The following ZNF341 variants were observed in gnomAD, a reference collection of about 807,000 sequenced individuals.
ZNF341 encodes the protein zinc finger protein 341.
Under a neutral mutation model 87.7 loss-of-function variants are expected in ZNF341, and 52 were observed. The observed-to-expected ratio is 0.59, with a 90% CI of 0.47 to 0.75. The LOEUF is 0.75. Among genes scored for constraint, ZNF341 ranks in the 30% least tolerant of loss-of-function variants. The pLI is 0.00. For missense variants in ZNF341, 977 were observed against 1,145.9 expected (o/e 0.85, Z 2.13); for synonymous variants, 459 against 472.7 (o/e 0.97, Z 0.38).
chr20:33,735,216 A>G (rs776721063), intron 1 of ZNF341, among the ~76,000 whole-genome samples: 20 of 147,252 alleles, frequency 1.4e-4, no homozygotes, highest in Non-Finnish European at 2.1e-4. Flanking sequence ...TTTTTAGTAG[A>G]GACGGGGTTT....
chr20:33,764,714 A>G (rs1296961550), intron 8 of ZNF341, among the ~76,000 whole-genome samples: 1 of 150,806 alleles, frequency 6.6e-6, no homozygotes, highest in Non-Finnish European at 1.5e-5. Flanking sequence ...TATAATATAA[A>G]GATTGAATAT....
chr20:33,758,927 T>C (rs2019237046), intron 7 of ZNF341, 121 bp downstream of exon 7: 1 of 813,424 alleles, frequency 1.2e-6, no homozygotes, highest in Non-Finnish European at 2.0e-6. Context: ...CACTTGCATG[T>C]TCAGGCTGTA....
rs1255897683 is a variant in ZNF341 at position 33,791,093 on chromosome 20, C to T, written c.2141C>T (p.Ala714Val). 15 of 1,613,038 alleles carry T rather than the reference C, an allele frequency of 9.3e-6. No homozygotes were observed. Among genetic ancestry groups the T allele is most frequent in the African/African-American group, 1.3e-5 (1 of 74,940 alleles). ...AHTGNYKFRC[A>V]GCAKGFSRHK... Reference sequence around the variant, plus strand: ...ACGGGCAACTACAAGTTCCGCTGTGCTGGCTGCGCCAAGGGCTTTTCCCGC... The same window carrying T: ...ACGGGCAACTACAAGTTCCGCTGTGTTGGCTGCGCCAAGGGCTTTTCCCGC... Residue 714 changes from alanine to valine, a missense_variant, in exon 15 of 15, where the codon GCT (alanine) becomes GTT (valine). Physicochemically the swap from Ala to Val is moderately conservative, Grantham distance 64. This residue lies in a region of ZNF341 where 221 missense variants were observed against 212.7 expected (regional missense o/e 1.04). Coordinates refer to ENST00000375200, the MANE Select transcript of ZNF341 (RefSeq NM_001282933.2).
At chr20:33,744,766 A>G (rs2018880176) in intron 2 of ZNF341, among the ~76,000 whole-genome samples, 1 of 151,834 alleles carries the variant, frequency 6.6e-6, no homozygotes, top group African/African-American at 2.4e-5. Context: ...TAATTTTTGT[A>G]TTTTTAGTGG....
At chr20:33,749,878 G>A (rs1234810057) in intron 4 of ZNF341, among the ~76,000 whole-genome samples, 1 of 151,628 alleles carries the variant, frequency 6.6e-6, no homozygotes, top group East Asian at 1.9e-4. Flanking sequence ...TCAACCTCCT[G>A]AGTAGCTGGG....
chr20:33,732,028 C>T lies in ZNF341; in HGVS notation c.7C>T (p.Gln3Ter), dbSNP rs1202744223. 7.1e-7 allele frequency: 1 copy of T among 1,414,824 alleles called. No individual in the cohort carries two copies. 87.6% of individuals were successfully genotyped at this position (1,414,824 alleles called of 1,614,324 possible). Residue 3 changes from glutamine to a stop codon, truncating the protein, a stop_gained, in exon 1 of 15, where the codon CAG becomes TAG. Transcript: ENST00000375200. LOFTEE classifies it high-confidence loss of function. This position sits in a 1 kb window ranked among gnomAD's most constrained non-coding sequence, Gnocchi z 4.5. ...CGACGGCGGCGGCTCCAAGATGGCG[C>T]AGGCGATCTTTGAGGCCCTGGAGGG... MA[Q>*]AIFEALEGMD...
chr20:33,759,296 T>G (rs2019245702), intron 7 of ZNF341, among the ~76,000 whole-genome samples: 1 of 152,212 alleles, frequency 6.6e-6, no homozygotes, highest in African/African-American at 2.4e-5. Flanking sequence ...TGAGATGATT[T>G]TTTTTGAGAC....
At chr20:33,743,031 CTTT>C (rs150306011) in intron 2 of ZNF341, among the ~76,000 whole-genome samples, 7 of 139,224 alleles carry the variant, frequency 5.0e-5, no homozygotes, top group Admixed American at 7.2e-5. Flanking sequence ...CTGTCTCTCT[CTTT>C]TTTTTTTTTT....
chr20:33,739,496 C>T (rs930859031), intron 1 of ZNF341, among the ~76,000 whole-genome samples: 1 of 152,202 alleles, frequency 6.6e-6, no homozygotes, highest in African/African-American at 2.4e-5. Flanking sequence ...CTGTGAACTT[C>T]AACTGTGATA....
chr20:33,757,149 T>G lies in ZNF341; in HGVS notation c.743T>G (p.Val248Gly). Residue 248 changes from valine to glycine, a missense_variant and splice_region_variant, in exon 6 of 15, where the codon GTG becomes GGG. Physicochemically the swap from Val to Gly is moderately radical, Grantham distance 109 (BLOSUM62 -3). This residue lies in a region of ZNF341 where 515 missense variants were observed against 598.2 expected (regional missense o/e 0.86). Transcript: ENST00000375200. ...LGMQPYPPLE[V>G]PNQCVEPPVY... ...TCCCTGACTGTGTTGTCCTCCTAGGTGCCAAACCAGTGTGTGGAGCCTCCA... is the reference window on the plus strand; with the variant it reads ...TCCCTGACTGTGTTGTCCTCCTAGGGGCCAAACCAGTGTGTGGAGCCTCCA... The G allele has an allele frequency of 7.0e-7, 1 of 1,425,138 alleles. No individual in the cohort carries two copies. Among genetic ancestry groups the G allele is most frequent in the East Asian group, 2.7e-5 (1 of 37,008 alleles). The allele number at this position is 1,425,138 out of a possible 1,614,324, so 88.3% of individuals were successfully genotyped here. A position where few individuals can be genotyped will look rare whatever the true frequency, so the allele number is the denominator to read the frequency against.
chr20:33,790,925 C>T (rs1474289987), intron 14 of ZNF341, 63 bp from the exon 15 acceptor site: 6 of 1,534,806 alleles, frequency 3.9e-6, no homozygotes, highest in South Asian at 1.2e-5. Flanking sequence ...TTATTCCCAG[C>T]GCAGGGCACT....
rs143337863 is a variant in ZNF341 at position 33,766,995 on chromosome 20, C to G, written c.1367C>G (p.Thr456Ser). 8.7e-5 allele frequency: 140 copies of G among 1,614,030 alleles called. No individual in the cohort carries two copies. The highest frequency in any genetic ancestry group is 1.2e-4 in the Non-Finnish European group (137 of 1,180,022). Residue 456 changes from threonine (T) to serine (S), a missense_variant, in exon 9 of 15, where the codon ACC becomes AGC. Transcript: ENST00000375200. ...LCQFCPSKFSTYFQLKSHMTQ... is the reference protein window; with the variant it reads ...LCQFCPSKFSSYFQLKSHMTQ... ...CAATTCTGCCCCAGCAAATTCAGCA[C>G]CTACTTCCAGCTCAAGTCTCACATG...
intron 12 of ZNF341, chr20:33,788,493 G>T: frequency 3.4e-6 from 1 of 289,976 alleles, no homozygotes. Context: ...GACCTGGCTG[G>T]CTCGCTGCCC....
intron 4 of ZNF341, chr20:33,752,118 CT>C (rs199878741): frequency 1.3e-3 from 437 of 330,310 alleles, no homozygotes; most frequent in East Asian, 5.7e-3. Context: ...GCCCCCCCCC[CT>C]TTTTTTTTAA....
intron 12 of ZNF341, chr20:33,787,284 G>A (rs2019887874): frequency 6.6e-6 from 1 of 151,678 alleles, no homozygotes; most frequent in Non-Finnish European, 1.5e-5. Context: ...TTTTTTCTAA[G>A]AAAGACGAGA....
intron 2 of ZNF341, among the ~76,000 whole-genome samples, chr20:33,742,214 T>A (rs1448588591): frequency 1.3e-5 from 2 of 152,182 alleles, no homozygotes; most frequent in African/African-American, 4.8e-5. Flanking sequence ...GTTTTGTTTT[T>A]GAGATGGAGT....
intron 2 of ZNF341, 96 bp from the exon 3 acceptor site, chr20:33,745,007 T>C (rs2018885755): frequency 8.7e-7 from 1 of 1,152,388 alleles, no homozygotes; most frequent in African/African-American, 1.5e-5. Context: ...TTCTCCTGTC[T>C]CATACTGTGA....
intron 10 of ZNF341, among the ~76,000 whole-genome samples, chr20:33,770,830 T>C (rs566579098): frequency 6.6e-6 from 1 of 152,090 alleles, no homozygotes; most frequent in Admixed American, 6.6e-5. Flanking sequence ...CATTTTAAAA[T>C]GAACAGTTGG....
Position 33,770,066 on chromosome 20 carries a change from C to T in ZNF341, c.1414-18C>T. ...AGCTCTCCTGCCTCCTGTCACCTGC[C>T]CAGCGTCTTCCCTCAAGGTGTACAA... On this transcript the variant is annotated intron_variant, in intron 9 of 14. Transcript: ENST00000375200. 1 of 1,601,696 alleles carries T rather than the reference C, an allele frequency of 6.2e-7. No homozygotes were observed. The highest frequency in any genetic ancestry group is 8.5e-7 in the Non-Finnish European group (1 of 1,170,406).
Sources: gnomAD v4.1 joint callset for allele counts (sites outside exome capture counted in the v4.1 genomes callset) on GRCh38, gnomAD v4.1.1 for gene constraint, gnomAD v4.1.1 regional missense constraint, Gnocchi (gnomAD v3.1) non-coding constraint, MANE v1.5 for transcripts, NCBI Gene and HGNC (gene_info 2026-07-23, HGNC 2026-07-21) for gene names.